ADGRG6: variants seen among roughly 807,000 people sequenced by gnomAD.
The protein encoded by ADGRG6 is adhesion G protein-coupled receptor G6.
ADGRG6 carries 84 observed loss-of-function variants against 142.4 expected under a neutral mutation model. The ratio of observed to expected loss-of-function variants is 0.59; its 90% CI spans 0.49 to 0.71. The LOEUF (loss-of-function observed/expected upper bound fraction) is 0.71, where lower values mean the gene tolerates loss of function less well. ADGRG6 is among the 30% of genes least tolerant of loss of function. The pLI, the probability that ADGRG6 is intolerant of heterozygous loss-of-function variation, is 0.00. For synonymous variants in ADGRG6, 521 were observed against 520.5 expected (o/e 1.00, Z -0.01); for missense variants, 1,367 against 1,466.6 (o/e 0.93, Z 1.11).
In ADGRG6 at chr6:142,415,046, A is replaced by G. The variant is rs1776287560; in HGVS notation, c.2619A>G (p.Gly873=). 1 of 1,611,894 alleles carries G rather than the reference A, an allele frequency of 6.2e-7. No individual in the cohort carries two copies. The highest frequency in any genetic ancestry group is 8.5e-7 in the Non-Finnish European group (1 of 1,178,772). Residue 873 remains glycine, a synonymous_variant, in exon 19 of 25, where the codon GGA becomes GGG. Coordinates refer to ENST00000367609, the MANE Select transcript of ADGRG6 (RefSeq NM_198569.3). ...CTTTCATCAGCTATATTGGGTGTGGAATATCTGCTATTTTTTCAGCAGCAA... is the reference window on the plus strand; with the variant it reads ...CTTTCATCAGCTATATTGGGTGTGGGATATCTGCTATTTTTTCAGCAGCAA... The part of the protein sequence containing the change: ...VLTFISYIGC[G]ISAIFSAATL...
At chr6:142,374,470 T>C (rs1345040194) in intron 4 of ADGRG6, among the ~76,000 whole-genome samples, 1 of 152,244 alleles carries the variant, frequency 6.6e-6, no homozygotes, top group East Asian at 1.9e-4. Flanking sequence ...GGCTACTATA[T>C]CTGCATGGCC....
At chr6:142,315,702 G>A (rs923775021) in intron 2 of ADGRG6, among the ~76,000 whole-genome samples, 45 of 151,816 alleles carry the variant, frequency 3.0e-4, no homozygotes, top group Admixed American at 2.0e-3. Context: ...GTGGTGGTGC[G>A]CGCCTGTAAT....
chr6:142,336,857 G>A (rs528752638), intron 2 of ADGRG6, among the ~76,000 whole-genome samples: 1 of 152,284 alleles, frequency 6.6e-6, no homozygotes, highest in East Asian at 1.9e-4. Flanking sequence ...AATGGCCCTG[G>A]GGCAATCTGT....
chr6:142,391,008 A>G (rs1282425650), intron 7 of ADGRG6, among the ~76,000 whole-genome samples: 2 of 151,852 alleles, frequency 1.3e-5, no homozygotes, highest in Non-Finnish European at 3.0e-5. Flanking sequence ...ATATTTCATT[A>G]TGTGGCTGTT....
chr6:142,383,975 A>T, intron 6 of ADGRG6, 132 bp downstream of exon 6: 2 of 595,404 alleles, frequency 3.4e-6, no homozygotes, highest in Non-Finnish European at 5.9e-6. Flanking sequence ...GGTTTACAAG[A>T]TTAGTAAAAT....
At chr6:142,328,340 C>G (rs1301726014) in intron 2 of ADGRG6, among the ~76,000 whole-genome samples, 1 of 152,108 alleles carries the variant, frequency 6.6e-6, no homozygotes, top group Non-Finnish European at 1.5e-5. Flanking sequence ...GTAGCTGGGA[C>G]TATAGGCACA....
intron 2 of ADGRG6, among the ~76,000 whole-genome samples, chr6:142,348,595 C>T (rs1780017010): frequency 6.6e-6 from 1 of 151,410 alleles, no homozygotes; most frequent in Admixed American, 6.6e-5. Context: ...ATTCATGGAT[C>T]ATGAGCAAAG....
Position 142,408,255 on chromosome 6 carries a change from C to T in ADGRG6, c.2374C>T (p.His792Tyr), listed in dbSNP as rs1775913721. 10 of 1,565,774 alleles carry T rather than the reference C, an allele frequency of 6.4e-6. No individual in the cohort carries two copies. Among genetic ancestry groups the T allele is most frequent in the Non-Finnish European group, 7.8e-6 (9 of 1,152,850 alleles). The change falls in exon 16 of 25, where the codon CAT (histidine) becomes TAT (tyrosine). Residue 792 changes from histidine to tyrosine, a missense_variant. Coordinates refer to ENST00000367609, the MANE Select transcript of ADGRG6 (RefSeq NM_198569.3). ...GGATCCTGTTCAAATAAAAATCAAA[C>T]ATACAAGAACTCAGGTAAGAAAACG... The part of the protein sequence containing the change: ...LKDPVQIKIK[H>Y]TRTQEVHHPI...
At chr6:142,393,051 G>T in intron 8 of ADGRG6, 51 bp downstream of exon 8, 1 of 964,980 alleles carries the variant, frequency 1.0e-6, no homozygotes, top group South Asian at 1.4e-5. Flanking sequence ...CTAATTTAAT[G>T]CTACTATTTG....
In ADGRG6 at chr6:142,443,724, T is replaced by G. The variant is rs1582704507; in HGVS notation, c.*209T>G. ...GTTGTCATCACTAAAACTTCAGTAC[T>G]GAGAGTAACATGACTCAGTAGCCAC... On this transcript the variant is annotated 3_prime_UTR_variant, in exon 25 of 25. Transcript: ENST00000367609. 2.2e-6 allele frequency: 1 copy of G among 448,716 alleles called. No individual in the cohort carries two copies. Among genetic ancestry groups the G allele is most frequent in the East Asian group, 3.8e-5 (1 of 26,332 alleles). The allele number at this position is 448,716 out of a possible 1,614,324, so 27.8% of individuals were successfully genotyped here.
intron 1 of ADGRG6, among the ~76,000 whole-genome samples, chr6:142,306,394 A>G (rs1257494790): frequency 2.0e-5 from 3 of 152,198 alleles, no homozygotes; most frequent in African/African-American, 4.8e-5. Context: ...TGTAGATTGA[A>G]AAAGAGAACA....
At chr6:142,439,905 T>G (rs1213622230) in intron 24 of ADGRG6, among the ~76,000 whole-genome samples, 1 of 152,248 alleles carries the variant, frequency 6.6e-6, no homozygotes, top group African/African-American at 2.4e-5. Context: ...TTTTTGCTTA[T>G]AATGAATTAT....
intron 22 of ADGRG6, among the ~76,000 whole-genome samples, chr6:142,424,861 C>T (rs922008580): frequency 2.6e-5 from 4 of 151,828 alleles, no homozygotes; most frequent in Admixed American, 1.3e-4. Flanking sequence ...TACCTTGTGA[C>T]GTTGAGAATG....
chr6:142,338,017 G>GTTTTTTTTTGTTTTTTTTTTTTT (rs1779412375), intron 2 of ADGRG6, among the ~76,000 whole-genome samples: 1 of 35,392 alleles, frequency 2.8e-5, no homozygotes, highest in African/African-American at 1.3e-4. Flanking sequence ...TTGTATCTTT[G>GTTTTTTTTTGTTTTTTTTTTTTT]TTTTTTTTTT....
intron 2 of ADGRG6, among the ~76,000 whole-genome samples, chr6:142,332,707 A>C (rs1309158179): frequency 6.6e-6 from 1 of 152,132 alleles, no homozygotes; most frequent in African/African-American, 2.4e-5. Flanking sequence ...AATATAGTAG[A>C]TTGTGTTTAT....
chr6:142,312,306 A>C (rs1396057153), intron 2 of ADGRG6, among the ~76,000 whole-genome samples: 1 of 152,056 alleles, frequency 6.6e-6, no homozygotes, highest in Admixed American at 6.6e-5. Flanking sequence ...TGCAGTATTA[A>C]GTTTGCTAGT....
At chr6:142,304,351 CA>C (rs1777379639) in intron 1 of ADGRG6, among the ~76,000 whole-genome samples, 1 of 152,102 alleles carries the variant, frequency 6.6e-6, no homozygotes, top group Admixed American at 6.6e-5. Flanking sequence ...GTAGTGACTG[CA>C]TATTTTTCAT....
chr6:142,407,717 G>T lies in ADGRG6; in HGVS notation c.2269-433G>T, dbSNP rs142684560. Among the ~76,000 whole-genome samples, 222 of 152,270 alleles carry T rather than the reference G, an allele frequency of 1.5e-3. 2 individuals carry two copies. Among genetic ancestry groups the T allele is most frequent in the African/African-American group, 5.0e-3 (209 of 41,566 alleles). ...GTAAACATGTCAGGCTGTTGGCATG[G>T]ATGTGAAAGATGTCTTGCTTTTTAT... On this transcript the variant is annotated intron_variant, in intron 15 of 24. Transcript: ENST00000367609.
At chr6:142,399,461 T>A (rs944625344) in intron 10 of ADGRG6, among the ~76,000 whole-genome samples, 1 of 152,152 alleles carries the variant, frequency 6.6e-6, no homozygotes, top group African/African-American at 2.4e-5. Flanking sequence ...CTTTCACGTA[T>A]AGGAGTCTTC....
Sources: allele counts gnomAD v4.1 joint callset (sites outside exome capture counted in the v4.1 genomes callset), GRCh38; gene constraint gnomAD v4.1.1; transcripts MANE v1.5; gene names NCBI Gene and HGNC (gene_info 2026-07-23, HGNC 2026-07-21).